The following NRXN1 variants were observed in gnomAD, a reference collection of about 807,000 sequenced individuals.
NRXN1 encodes the protein neurexin-1.
NRXN1 carries 39 observed loss-of-function variants against 150.9 expected under a neutral mutation model. The observed-to-expected ratio is 0.26, with a 90% confidence interval of 0.20 to 0.34. The LOEUF (loss-of-function observed/expected upper bound fraction) is 0.34. Ranked by LOEUF, NRXN1 falls within the 10% of genes least tolerant of loss-of-function variation. The pLI, the probability that NRXN1 is intolerant of heterozygous loss-of-function variation, is 1.00. For missense variants in NRXN1, 1,815 were observed against 1,949.9 expected (o/e 0.93, Z 1.30); for synonymous variants, 924 against 757.0 (o/e 1.22, Z -3.62).
intron 19 of NRXN1, among the ~76,000 whole-genome samples, chr2:50,074,070 C>T (rs1414826465): frequency 1.3e-5 from 2 of 151,856 alleles, no homozygotes; most frequent in South Asian, 4.1e-4. Flanking sequence ...CTTTATTTGG[C>T]TAGTCTTTAA....
At chr2:50,411,555 G>T (rs976161471) in intron 17 of NRXN1, among the ~76,000 whole-genome samples, 3 of 151,630 alleles carry the variant, frequency 2.0e-5, no homozygotes, top group African/African-American at 7.3e-5. Flanking sequence ...GCCTCTGCCC[G>T]GCTGCGACCC....
At chr2:50,154,384 A>C (rs923650298) in intron 18 of NRXN1, among the ~76,000 whole-genome samples, 1 of 151,742 alleles carries the variant, frequency 6.6e-6, no homozygotes, top group Non-Finnish European at 1.5e-5. Context: ...AACAAAAAAA[A>C]CAGTGTGGAA....
At chr2:50,398,698 G>A (rs2082204632) in intron 17 of NRXN1, among the ~76,000 whole-genome samples, 1 of 152,126 alleles carries the variant, frequency 6.6e-6, no homozygotes, top group South Asian at 2.1e-4. Context: ...AATGGGCACT[G>A]CCTTTGGACA....
chr2:50,116,068 T>A (rs1211753190), intron 18 of NRXN1, among the ~76,000 whole-genome samples: 2 of 152,114 alleles, frequency 1.3e-5, no homozygotes, highest in Admixed American at 1.3e-4. Flanking sequence ...CCTCTTTTTT[T>A]AATTGTGACT....
intron 21 of NRXN1, among the ~76,000 whole-genome samples, chr2:49,997,212 T>C (rs1203806686): frequency 6.6e-6 from 1 of 152,084 alleles, no homozygotes; most frequent in Non-Finnish European, 1.5e-5. Context: ...TAAGAGCGCA[T>C]ATCTCTTGGA....
chr2:50,473,436 T>C (rs1003878416), intron 15 of NRXN1, among the ~76,000 whole-genome samples: 3 of 151,996 alleles, frequency 2.0e-5, no homozygotes, highest in Non-Finnish European at 2.9e-5. Flanking sequence ...ATCTGGATAA[T>C]ATTCAATAAA....
chr2:50,526,363 A>C (rs2092951894), intron 12 of NRXN1, among the ~76,000 whole-genome samples: 1 of 152,188 alleles, frequency 6.6e-6, no homozygotes, highest in Non-Finnish European at 1.5e-5. Context: ...CAATTTTTAG[A>C]GATAATGGTG....
chr2:50,477,598 T>G (rs752157098), intron 15 of NRXN1, among the ~76,000 whole-genome samples: 16 of 152,218 alleles, frequency 1.1e-4, no homozygotes, highest in Non-Finnish European at 2.1e-4. Flanking sequence ...CAAGGTATAA[T>G]TAGTTCTTTG....
At chr2:50,024,170 G>A (rs1225987710) in intron 21 of NRXN1, 12 of 152,150 alleles carry the variant, frequency 7.9e-5, no homozygotes, top group South Asian at 2.1e-4. Context: ...TGCTGAGGCT[G>A]GCTTAATATA....
intron 17 of NRXN1, among the ~76,000 whole-genome samples, chr2:50,373,913 A>C: frequency 6.6e-6 from 1 of 152,054 alleles, no homozygotes; most frequent in East Asian, 1.9e-4. Context: ...ATTTGCAGGT[A>C]GATAAGGAAA....
rs1044663309 is a variant in NRXN1 at position 50,457,920 on chromosome 2, T to C, written c.3364+7522A>G. ...TAGTACAACCACTATGGAGAATAGC[T>C]TGGTGGTTCCTCAAAAAATCAAACA... On this transcript the variant is annotated intron_variant, in intron 17 of 22. Coordinates refer to ENST00000401669, the MANE Select transcript of NRXN1 (RefSeq NM_001330078.2). 6.6e-5 allele frequency among the ~76,000 whole-genome samples: 10 copies of C among 152,276 alleles called. 1 individual carries two copies. The highest frequency in any genetic ancestry group is 2.4e-4 in the African/African-American group (10 of 41,566).
At chr2:50,752,054 T>C (rs1346714226) in intron 5 of NRXN1, among the ~76,000 whole-genome samples, 1 of 152,006 alleles carries the variant, frequency 6.6e-6, no homozygotes, top group African/African-American at 2.4e-5. Context: ...TATTAAGGTG[T>C]TATTTCACGT....
chr2:50,558,002 T>A (rs965781098), intron 8 of NRXN1, among the ~76,000 whole-genome samples: 1 of 151,940 alleles, frequency 6.6e-6, no homozygotes, highest in African/African-American at 2.4e-5. Context: ...AACCTAGGAG[T>A]TGTATTTTCA....
At chr2:50,152,758 C>T (rs2058768651) in intron 18 of NRXN1, among the ~76,000 whole-genome samples, 1 of 151,786 alleles carries the variant, frequency 6.6e-6, no homozygotes, top group African/African-American at 2.4e-5. Context: ...AAGATCCTCT[C>T]TTTGTCTTTT....
chr2:50,721,264 T>C (rs188828411), intron 5 of NRXN1, among the ~76,000 whole-genome samples: 42 of 152,202 alleles, frequency 2.8e-4, no homozygotes, highest in Admixed American at 1.8e-3. Context: ...GAACAGCAGA[T>C]TTTTGCCTTG....
chr2:50,056,671 C>A (rs1693674376), intron 19 of NRXN1, among the ~76,000 whole-genome samples: 1 of 151,754 alleles, frequency 6.6e-6, no homozygotes, highest in Non-Finnish European at 1.5e-5. Context: ...TGCATATATG[C>A]ATATTTGGAA....
chr2:50,567,040 T>C (rs1158817069), intron 8 of NRXN1, among the ~76,000 whole-genome samples: 1 of 151,722 alleles, frequency 6.6e-6, no homozygotes, highest in African/African-American at 2.4e-5. Flanking sequence ...TCCTACTCTC[T>C]TTCTCTCTTG....
intron 18 of NRXN1, among the ~76,000 whole-genome samples, chr2:50,105,799 T>C (rs1234828976): frequency 6.6e-6 from 1 of 152,012 alleles, no homozygotes; most frequent in East Asian, 1.9e-4. Context: ...TAGATCTGAA[T>C]TTTGTAGCCA....
chr2:50,554,999 T>A (rs1025351508), intron 8 of NRXN1, among the ~76,000 whole-genome samples: 1 of 152,140 alleles, frequency 6.6e-6, no homozygotes, highest in Non-Finnish European at 1.5e-5. Context: ...CTTAGAAAAA[T>A]TTATTTAGGA....
Sources: gnomAD v4.1 joint callset for allele counts (sites outside exome capture counted in the v4.1 genomes callset) on GRCh38, gnomAD v4.1.1 for gene constraint, MANE v1.5 for transcripts, NCBI Gene and HGNC (gene_info 2026-07-23, HGNC 2026-07-21) for gene names.